The following ARHGEF38 variants were observed in gnomAD, a reference collection of about 807,000 sequenced individuals.
ARHGEF38 encodes Rho guanine nucleotide exchange factor 38, also known as Rho guanine nucleotide exchange factor (GEF) 38.
A neutral mutation model predicts 79.9 loss-of-function variants in ARHGEF38; 79 were observed. That is an observed-to-expected ratio of 0.99 (90% CI 0.82 to 1.19). ARHGEF38 has a LOEUF of 1.19. ARHGEF38 is among the 50% of genes most tolerant of loss of function. The pLI is 0.00. For synonymous variants in ARHGEF38, 366 were observed against 328.3 expected, an observed-to-expected ratio of 1.11 and a Z score of -1.24; for missense variants, 962 against 907.2, an observed-to-expected ratio of 1.06 and a Z score of -0.78.
At chr4:105,562,946 CAG>C (rs1394151543) in intron 1 of ARHGEF38, among the ~76,000 whole-genome samples, 1 of 152,182 alleles carries the variant, frequency 6.6e-6, no homozygotes, top group African/African-American at 2.4e-5. Flanking sequence ...GTTCTGAAGA[CAG>C]ATGATTTTTT....
chr4:105,679,077 A>G lies in ARHGEF38; in HGVS notation c.*1140A>G. 4.1e-6 allele frequency: 2 copies of G among 485,242 alleles called. No individual in the cohort carries two copies. Among genetic ancestry groups the G allele is most frequent in the Middle Eastern group, 6.3e-4 (1 of 1,580 alleles). 30.1% of individuals were successfully genotyped at this position (485,242 alleles called of 1,614,324 possible). On this transcript the variant is annotated 3_prime_UTR_variant, in exon 14 of 14. Coordinates refer to ENST00000420470, the MANE Select transcript of ARHGEF38 (RefSeq NM_001242729.2). ...AGTCAAAACTCCATTTGTGGCCCCCACTTCTTGATCTATTTCTGTTCCACT... is the reference window on the plus strand; with the variant it reads ...AGTCAAAACTCCATTTGTGGCCCCCGCTTCTTGATCTATTTCTGTTCCACT...
At chr4:105,645,032 C>T (rs1166729730) in intron 5 of ARHGEF38, among the ~76,000 whole-genome samples, 156 bp from the exon 6 acceptor site, 1 of 152,082 alleles carries the variant, frequency 6.6e-6, no homozygotes, top group Non-Finnish European at 1.5e-5. Flanking sequence ...TTGCTTCTTT[C>T]TGTCGTCTTT....
chr4:105,677,764 G>A lies in ARHGEF38; in HGVS notation c.2161G>A (p.Val721Ile). The A allele has an allele frequency of 6.7e-7, 1 of 1,485,524 alleles. No homozygotes were observed. The highest frequency in any genetic ancestry group is 9.0e-7 in the Non-Finnish European group (1 of 1,114,918). 92.0% of individuals were successfully genotyped at this position (1,485,524 alleles called of 1,614,324 possible). Residue 721 changes from valine (V) to isoleucine (I), a missense_variant, in exon 14 of 14, where the codon GTT becomes ATT. Coordinates refer to ENST00000420470, the MANE Select transcript of ARHGEF38 (RefSeq NM_001242729.2). ...QEVDEQIFYA[V>I]HAFQARSDHE... Reference sequence around the variant, plus strand: ...TTTCTTTGTCTAGATTTTCTATGCAGTTCATGCTTTTCAAGCACGGAGTGA... The same window carrying A: ...TTTCTTTGTCTAGATTTTCTATGCAATTCATGCTTTTCAAGCACGGAGTGA...
chr4:105,607,025 C>T lies in ARHGEF38; in HGVS notation c.385-6359C>T, dbSNP rs563008329. 1.2e-4 allele frequency among the ~76,000 whole-genome samples: 18 copies of T among 152,056 alleles called. 1 individual carries two copies. Among genetic ancestry groups the T allele is most frequent in the South Asian group, 8.3e-4 (4 of 4,816 alleles). On this transcript the variant is annotated intron_variant, in intron 2 of 13. Coordinates refer to ENST00000420470, the MANE Select transcript of ARHGEF38 (RefSeq NM_001242729.2). The stretch of plus-strand genomic sequence containing the variant: ...GTTCCTAGACTTCTTTACAGTGTTA[C>T]TTTTAGAGATGTTAGTGGTTGGGGG...
chr4:105,567,870 C>T (rs370958620), intron 1 of ARHGEF38, among the ~76,000 whole-genome samples: 3,971 of 151,484 alleles, frequency 0.026, 176 homozygotes, highest in African/African-American at 0.089. Context: ...CACGCTGGTG[C>T]GCTGCACCCA....
At chr4:105,671,304 C>G (rs553250502) in intron 13 of ARHGEF38, among the ~76,000 whole-genome samples, 15 of 152,180 alleles carry the variant, frequency 9.9e-5, no homozygotes, top group Admixed American at 5.2e-4. Flanking sequence ...GAAGGTGAAC[C>G]CTGTGCAGGG....
At chr4:105,623,239 G>T (rs1393351456) in intron 3 of ARHGEF38, among the ~76,000 whole-genome samples, 5 of 152,200 alleles carry the variant, frequency 3.3e-5, no homozygotes. Context: ...TAGTAAGCGT[G>T]CAGTGCATTG....
At chr4:105,594,216 C>G (rs1303397715) in intron 2 of ARHGEF38, among the ~76,000 whole-genome samples, 1 of 152,132 alleles carries the variant, frequency 6.6e-6, no homozygotes. Context: ...TCATATGACT[C>G]TTATCAGCGT....
chr4:105,647,784 A>G (rs1729912073), intron 6 of ARHGEF38, among the ~76,000 whole-genome samples: 1 of 152,206 alleles, frequency 6.6e-6, no homozygotes, highest in Non-Finnish European at 1.5e-5. Context: ...AGTGAAGCTC[A>G]GAGAGGTTAT....
chr4:105,567,866 G>A (rs923836902), intron 1 of ARHGEF38, among the ~76,000 whole-genome samples: 1 of 151,338 alleles, frequency 6.6e-6, no homozygotes, highest in African/African-American at 2.4e-5. Flanking sequence ...GTGCCACGCT[G>A]GTGCGCTGCA....
At chr4:105,563,925 A>C (rs551698675) in intron 1 of ARHGEF38, among the ~76,000 whole-genome samples, 9 of 152,316 alleles carry the variant, frequency 5.9e-5, no homozygotes, top group Middle Eastern at 3.4e-3. Context: ...ACTTCACAGA[A>C]ACACTAGAAT....
chr4:105,667,101 A>C (rs997927153), intron 11 of ARHGEF38, 28 bp from the exon 12 acceptor site: 8 of 1,519,874 alleles, frequency 5.3e-6, no homozygotes, highest in Non-Finnish European at 6.2e-6. Flanking sequence ...TATCTGTCTA[A>C]ACCAAAACTT....
At chr4:105,621,719 T>G (rs1349160455) in intron 3 of ARHGEF38, among the ~76,000 whole-genome samples, 1 of 152,164 alleles carries the variant, frequency 6.6e-6, no homozygotes, top group South Asian at 2.1e-4. Context: ...CTTAAATGAA[T>G]TTTTCAGGAT....
At chr4:105,642,538 G>A (rs190178299) in intron 5 of ARHGEF38, among the ~76,000 whole-genome samples, 1 of 152,192 alleles carries the variant, frequency 6.6e-6, no homozygotes, top group East Asian at 1.9e-4. Context: ...AAAGAAATGA[G>A]AGCAGTTCTT....
At chr4:105,591,302 C>T (rs1441448445) in intron 2 of ARHGEF38, among the ~76,000 whole-genome samples, 1 of 152,296 alleles carries the variant, frequency 6.6e-6, no homozygotes, top group East Asian at 1.9e-4. Context: ...TGTCTCTGCT[C>T]ACTGCAAGCT....
rs1728168421 is a variant in ARHGEF38, at chr4:105,608,855, G to T, written c.385-4529G>T. Reference sequence around the variant, plus strand: ...CATTAGTTTTGCCCATGTTTTAATGGGATTATTTGTTTTCTTACTGAGTAG... The same window carrying T: ...CATTAGTTTTGCCCATGTTTTAATGTGATTATTTGTTTTCTTACTGAGTAG... On this transcript the variant is annotated intron_variant, in intron 2 of 13. Transcript: ENST00000420470. 2.6e-5 allele frequency among the ~76,000 whole-genome samples: 4 copies of T among 151,582 alleles called. No homozygotes were observed. The South Asian group carries it at 8.3e-4, about 32-fold the overall frequency.
rs566292603 is a variant in ARHGEF38 at position 105,624,212 on chromosome 4, G to T, written c.509-6686G>T. Among the ~76,000 whole-genome samples, 189 of 152,036 alleles carry T rather than the reference G, an allele frequency of 1.2e-3. 1 individual carries two copies. The highest frequency in any genetic ancestry group is 6.8e-3 in the Middle Eastern group (2 of 294). ...CATATTTTTTCTGAACTTATCTTAC[G>T]CTAGTGCTTCTGAAAAAAAATTTTT... On this transcript the variant is annotated intron_variant, in intron 3 of 13. Coordinates refer to ENST00000420470, the MANE Select transcript of ARHGEF38 (RefSeq NM_001242729.2).
At chr4:105,664,764 G>A (rs1303645903) in intron 10 of ARHGEF38, among the ~76,000 whole-genome samples, 1 of 152,192 alleles carries the variant, frequency 6.6e-6, no homozygotes, top group African/African-American at 2.4e-5. Context: ...CAACATCTAG[G>A]TTCAAAGAAA....
rs1456766049 is a variant in ARHGEF38 at position 105,667,666 on chromosome 4, G to C, written c.2111G>C (p.Gly704Ala). The change falls in exon 13 of 14, where the codon GGT becomes GCT. Residue 704 changes from glycine to alanine, a missense_variant. Physicochemically the swap from Gly to Ala is moderately conservative, Grantham distance 60 (BLOSUM62 0). Transcript: ENST00000420470. ...SGTCGKFETN[G>A]TDVDSFQEVD... ...ACATGTGGAAAGTTTGAAACAAATG[G>C]TACTGATGTTGACAGTTTTCAAGAA... is the stretch of plus-strand genomic sequence containing the variant. 2.0e-6 allele frequency: 3 copies of C among 1,536,202 alleles called. No individual in the cohort carries two copies. The African/African-American group carries it at 4.1e-5, about 21-fold the overall frequency.
Sources: allele counts gnomAD v4.1 joint callset (sites outside exome capture counted in the v4.1 genomes callset), GRCh38; gene constraint gnomAD v4.1.1; transcripts MANE v1.5; gene names NCBI Gene and HGNC (gene_info 2026-07-23, HGNC 2026-07-21).